RELN: variants seen among roughly 807,000 people sequenced by gnomAD.
RELN encodes the protein reelin.
Under a neutral mutation model 427.6 loss-of-function variants are expected in RELN, and 108 were observed. The ratio of observed to expected loss-of-function variants is 0.25; its 90% CI spans 0.22 to 0.30. RELN has a LOEUF of 0.30. Ranked by LOEUF, RELN falls within the 10% of genes least tolerant of loss-of-function variation. RELN has a pLI of 1.00. For missense variants in RELN, 3,715 were observed against 4,302.8 expected (o/e 0.86, Z 3.82); for synonymous variants, 1,524 against 1,513.4 (o/e 1.01, Z -0.16).
At chr7:103,586,059 C>CA (rs2117230894) in intron 28 of RELN, among the ~76,000 whole-genome samples, 1 of 152,240 alleles carries the variant, frequency 6.6e-6, no homozygotes, top group African/African-American at 2.4e-5. Context: ...ATCAAAGCAA[C>CA]ACACCTCAAA....
intron 36 of RELN, among the ~76,000 whole-genome samples, chr7:103,558,796 G>C (rs1230250629): frequency 1.3e-5 from 2 of 152,186 alleles, no homozygotes; most frequent in Non-Finnish European, 2.9e-5. Context: ...CTAAGGTCCA[G>C]ACAGGTCTTT....
chr7:103,837,358 T>A (rs1793435867), intron 2 of RELN, among the ~76,000 whole-genome samples: 1 of 152,204 alleles, frequency 6.6e-6, no homozygotes, highest in South Asian at 2.1e-4. Flanking sequence ...TGACCCCTAC[T>A]TGCTCTCCCT....
At chr7:103,829,380 G>A (rs1793221843) in intron 3 of RELN, among the ~76,000 whole-genome samples, 1 of 151,448 alleles carries the variant, frequency 6.6e-6, no homozygotes, top group Non-Finnish European at 1.5e-5. Context: ...CTTTGGGGTA[G>A]GGGATTTATA....
rs182727852 is a variant in RELN at position 103,909,328 on chromosome 7, C to A, written c.337+7747G>T. Among the ~76,000 whole-genome samples, 252 of 151,934 alleles carry A rather than the reference C, an allele frequency of 1.7e-3. 2 individuals carry two copies. Among genetic ancestry groups the A allele is most frequent in the South Asian group, 9.5e-3 (46 of 4,820 alleles). ...ATGAAAAGTTAGCATACAGGCCCTGCATTTCTATGTTCAGTGAAAAATAAA... is the reference window on the plus strand; with the variant it reads ...ATGAAAAGTTAGCATACAGGCCCTGAATTTCTATGTTCAGTGAAAAATAAA... On this transcript the variant is annotated intron_variant, in intron 2 of 64. Transcript: ENST00000428762.
intron 2 of RELN, among the ~76,000 whole-genome samples, chr7:103,871,139 T>C (rs1314497432): frequency 2.0e-5 from 3 of 152,108 alleles, no homozygotes; most frequent in African/African-American, 2.4e-5. Flanking sequence ...CAGGTACCAG[T>C]TGGCTAAAAA....
intron 1 of RELN, among the ~76,000 whole-genome samples, chr7:103,959,974 T>C (rs1023078685): frequency 1.3e-5 from 2 of 152,158 alleles, no homozygotes; most frequent in African/African-American, 4.8e-5. Context: ...TCATCAACAG[T>C]TGCCAACCAT....
Position 103,540,401 on chromosome 7 carries a change from C to T in RELN, c.6726G>A (p.Arg2242=). ...AATACTGTAGGAGCACGGGTTGACT[C>T]CTGGGGTCAGGAACGCCTTTACCAC... ...LGCGKGVPDP[R]SQPVLLQYSL... is the part of the protein sequence containing the mutation. Residue 2242 remains arginine, a synonymous_variant, in exon 44 of 65, where the codon AGG becomes AGA. Transcript: ENST00000428762. The T allele has an allele frequency of 6.2e-7, 1 of 1,614,100 alleles. No homozygotes were observed. The highest frequency in any genetic ancestry group is 8.5e-7 in the Non-Finnish European group (1 of 1,180,000).
chr7:103,598,821 G>A (rs1333876389), intron 24 of RELN, among the ~76,000 whole-genome samples: 1 of 152,186 alleles, frequency 6.6e-6, no homozygotes, highest in African/African-American at 2.4e-5. Context: ...AATGGCTCAT[G>A]GCAAAGTTTT....
intron 8 of RELN, among the ~76,000 whole-genome samples, chr7:103,714,102 T>G (rs767475537): frequency 2.6e-5 from 4 of 152,208 alleles, no homozygotes; most frequent in Non-Finnish European, 5.9e-5. Context: ...TGGTTTAATA[T>G]GTTTTTTGTT....
chr7:103,908,338 G>C (rs1354361100), intron 2 of RELN, among the ~76,000 whole-genome samples: 1 of 152,074 alleles, frequency 6.6e-6, no homozygotes, highest in Non-Finnish European at 1.5e-5. Flanking sequence ...CCTATTTTGA[G>C]CATATAATAT....
intron 16 of RELN, among the ~76,000 whole-genome samples, chr7:103,642,714 T>G (rs1832719052): frequency 1.3e-5 from 2 of 152,120 alleles, no homozygotes. Context: ...GCACTCTTAA[T>G]TTTCTCATAT....
chr7:103,593,997 A>G (rs560695233), intron 26 of RELN, 115 bp from the exon 27 acceptor site: 1 of 817,406 alleles, frequency 1.2e-6, no homozygotes, highest in African/African-American at 2.1e-5. Context: ...CTAGGAAAAC[A>G]CAGAAGAATC....
chr7:103,734,109 G>T (rs77559479), intron 6 of RELN, among the ~76,000 whole-genome samples: 3,015 of 152,182 alleles, frequency 0.02, 100 homozygotes, highest in African/African-American at 0.07. Context: ...AACTACTGTT[G>T]TTTATTGCCG....
At chr7:103,621,232 T>C (rs190101229) in intron 20 of RELN, among the ~76,000 whole-genome samples, 165 of 152,344 alleles carry the variant, frequency 1.1e-3, no homozygotes, top group African/African-American at 3.7e-3. Context: ...TAGTAATGCA[T>C]TTAATATACT....
intron 6 of RELN, among the ~76,000 whole-genome samples, chr7:103,739,903 A>C (rs1485102514): frequency 6.6e-6 from 1 of 152,232 alleles, no homozygotes; most frequent in African/African-American, 2.4e-5. Context: ...TGGGAACAGC[A>C]GAACAGTCTC....
intron 24 of RELN, among the ~76,000 whole-genome samples, chr7:103,597,860 T>C (rs1016442377): frequency 6.6e-6 from 1 of 152,200 alleles, no homozygotes; most frequent in Non-Finnish European, 1.5e-5. Flanking sequence ...GTTCCTGTTG[T>C]TCAAAATGAT....
Position 103,814,847 on chromosome 7 carries a change from T to G in RELN, c.473+18690A>C, listed in dbSNP as rs112638909. Among the ~76,000 whole-genome samples the G allele has an allele frequency of 2.9e-3, 449 of 152,282 alleles. 3 individuals are homozygous for G. The highest frequency in any genetic ancestry group is 0.01 in the African/African-American group (435 of 41,560). ...AGGTCTTTCTAGCTACCATTAGAAC[T>G]TGAAATTGTGCCAGGCCAAGAAAAC... On this transcript the variant is annotated intron_variant, in intron 3 of 64. Coordinates refer to ENST00000428762, the MANE Select transcript of RELN (RefSeq NM_005045.4).
At chr7:103,829,421 TTTAAC>T (rs1793222560) in intron 3 of RELN, among the ~76,000 whole-genome samples, 2 of 151,826 alleles carry the variant, frequency 1.3e-5, no homozygotes, top group Admixed American at 6.6e-5. Context: ...AAGTGCCTCT[TTTAAC>T]TTGAGACTTA....
intron 6 of RELN, among the ~76,000 whole-genome samples, chr7:103,735,414 A>G (rs1213507842): frequency 6.6e-6 from 1 of 152,050 alleles, no homozygotes; most frequent in Non-Finnish European, 1.5e-5. Flanking sequence ...CCACCCATTC[A>G]TTGGGCACAG....
Sources: gnomAD v4.1 joint callset for allele counts (sites outside exome capture counted in the v4.1 genomes callset) on GRCh38, gnomAD v4.1.1 for gene constraint, MANE v1.5 for transcripts, NCBI Gene and HGNC (gene_info 2026-07-23, HGNC 2026-07-21) for gene names.